C18orf32: variants seen among roughly 807,000 people sequenced by gnomAD.
The protein encoded by C18orf32 is chromosome 18 open reading frame 32, also known as UPF0729 protein C18orf32.
C18orf32 carries 5 observed loss-of-function variants against 7.4 expected under a neutral mutation model. That is an observed-to-expected ratio of 0.68 (90% CI 0.35 to 1.42). The LOEUF (loss-of-function observed/expected upper bound fraction) is 1.42, where lower values mean the gene tolerates loss of function less well. C18orf32 is among the 40% of genes most tolerant of loss of function. The pLI is 0.04. For synonymous variants in C18orf32, 30 were observed against 29.3 expected, an observed-to-expected ratio of 1.02 and a Z score of -0.08; for missense variants, 88 against 92.4, an observed-to-expected ratio of 0.95 and a Z score of 0.19.
chr18:49,486,555 T>C (rs183820276), intron 1 of C18orf32: 2 of 151,936 alleles, frequency 1.3e-5, no homozygotes, highest in Admixed American at 1.3e-4. Context: ...ATATGGAAAC[T>C]GGGTCAGAAA....
In C18orf32 at chr18:49,483,600, C is replaced by A. The variant is rs1007634820; in HGVS notation, c.149G>T (p.Gly50Val). 1 of 1,605,328 alleles carries A rather than the reference C, an allele frequency of 6.2e-7. No homozygotes were observed. The highest frequency in any genetic ancestry group is 1.8e-5 in the Admixed American group (1 of 57,032). The change falls in exon 2 of 3, where the codon GGC becomes GTC. Residue 50 changes from glycine to valine, a missense_variant. Coordinates refer to ENST00000318240, the MANE Select transcript of C18orf32 (RefSeq NM_001035005.4). Reference protein sequence around the residue: ...AIQESNDTNKGKVNFKGADMN... With the variant: ...AIQESNDTNKVKVNFKGADMN... ...TGTTCTTACCTTAAAGTTTACTTTG[C>A]CTTTGTTTGTATCATTGGATTCTTG...
At chr18:49,485,972 G>A (rs922869664) in intron 1 of C18orf32, 1 of 151,442 alleles carries the variant, frequency 6.6e-6, no homozygotes, top group African/African-American at 2.4e-5. Flanking sequence ...CCAGGTATTT[G>A]GGGAGCTGAG....
At chr18:49,484,153 TATATATATATATATACACAC>T (rs1319229297) in intron 1 of C18orf32, among the ~76,000 whole-genome samples, 4 of 50,942 alleles carry the variant, frequency 7.9e-5, no homozygotes, top group East Asian at 6.1e-4. Flanking sequence ...AAAAAATATA[TATATATATATATATACACAC>T]ACACACACAC....
intron 2 of C18orf32, 130 bp downstream of exon 2, chr18:49,483,454 T>C: frequency 8.0e-7 from 1 of 1,244,002 alleles, no homozygotes; most frequent in Non-Finnish European, 1.1e-6. Context: ...TTTAAAACTT[T>C]AATTTAAGCC....
At chr18:49,485,081 C>CA (rs201540950) in intron 1 of C18orf32, among the ~76,000 whole-genome samples, 6,252 of 151,386 alleles carry the variant, frequency 0.041, 194 homozygotes, top group South Asian at 0.099. Context: ...AACTCCGTCT[C>CA]AAAAAAAAGA....
Position 49,482,273 on chromosome 18 carries a change from A to T in C18orf32, c.*72T>A. The T allele has an allele frequency of 9.4e-7, 1 of 1,068,436 alleles. No homozygotes were observed. The highest frequency in any genetic ancestry group is 2.4e-5 in the East Asian group (1 of 42,254). 66.2% of individuals were successfully genotyped at this position (1,068,436 alleles called of 1,614,324 possible). A position where few individuals can be genotyped will look rare whatever the true frequency, so the allele number is the denominator to read the frequency against. On this transcript the variant is annotated 3_prime_UTR_variant, in exon 3 of 3. Coordinates refer to ENST00000318240, the MANE Select transcript of C18orf32 (RefSeq NM_001035005.4). The stretch of plus-strand genomic sequence containing the variant: ...CCGGTCTCAGATAAAAAGGTCAGAG[A>T]CAATTACAAGGAAGATGCTTCATAT...
chr18:49,483,161 G>C (rs529643218), intron 2 of C18orf32, among the ~76,000 whole-genome samples: 1 of 152,114 alleles, frequency 6.6e-6, no homozygotes, highest in Non-Finnish European at 1.5e-5. Flanking sequence ...TTCCAGAAAC[G>C]GGCCGGATGG....
chr18:49,484,058 G>A (rs902486061), intron 1 of C18orf32, among the ~76,000 whole-genome samples: 3 of 151,052 alleles, frequency 2.0e-5, no homozygotes, highest in African/African-American at 7.3e-5. Context: ...GAGCCCAGGA[G>A]GTTGAGGCTG....
At chr18:49,485,570 A>T (rs568347542) in intron 1 of C18orf32, among the ~76,000 whole-genome samples, 165 of 146,474 alleles carry the variant, frequency 1.1e-3, no homozygotes, top group African/African-American at 3.1e-3. Flanking sequence ...AAAAAAAAAT[A>T]AAAATAAAAT....
At position 49,481,168 on chromosome 18, in the gene C18orf32, T is replaced by C. The variant is rs2083656794; in HGVS notation, c.*1177A>G. 6.6e-6 allele frequency: 1 copy of C among 152,224 alleles called. No individual in the cohort carries two copies. Among genetic ancestry groups the C allele is most frequent in the Non-Finnish European group, 1.5e-5 (1 of 68,040 alleles). 9.4% of individuals were successfully genotyped at this position (152,224 alleles called of 1,614,324 possible). A position where few individuals can be genotyped will look rare whatever the true frequency, so the allele number is the denominator to read the frequency against. ...CTCAGGTGGCTTTGGACAGAAAAGCTGAGACCTGCTGATTTACATGATTTA... is the reference window on the plus strand; with the variant it reads ...CTCAGGTGGCTTTGGACAGAAAAGCCGAGACCTGCTGATTTACATGATTTA... On this transcript the variant is annotated 3_prime_UTR_variant, in exon 3 of 3. Transcript: ENST00000318240.
In C18orf32 at chr18:49,482,243, G is replaced by T; in HGVS notation, c.*102C>A. ...AGGTAAATATCTAGACTCCTATCCTGAATTCCGGTCTCAGATAAAAAGGTC... is the reference window on the plus strand; with the variant it reads ...AGGTAAATATCTAGACTCCTATCCTTAATTCCGGTCTCAGATAAAAAGGTC... On this transcript the variant is annotated 3_prime_UTR_variant, in exon 3 of 3. Coordinates refer to ENST00000318240, the MANE Select transcript of C18orf32 (RefSeq NM_001035005.4). 2.4e-6 allele frequency: 2 copies of T among 819,792 alleles called. No individual in the cohort carries two copies. The highest frequency in any genetic ancestry group is 2.1e-6 in the Non-Finnish European group (1 of 474,884). 50.8% of individuals were successfully genotyped at this position (819,792 alleles called of 1,614,324 possible).
chr18:49,483,251 T>TA (rs982273904), intron 2 of C18orf32, among the ~76,000 whole-genome samples: 97 of 152,022 alleles, frequency 6.4e-4, no homozygotes, highest in Middle Eastern at 6.8e-3. Context: ...CACTCATTTT[T>TA]AAAAAAATTG....
At chr18:49,484,561 C>G (rs2083713838) in intron 1 of C18orf32, 1 of 152,170 alleles carries the variant, frequency 6.6e-6, no homozygotes, top group African/African-American at 2.4e-5. Flanking sequence ...GCACTCCAGC[C>G]TAGGTGACAG....
intron 1 of C18orf32, among the ~76,000 whole-genome samples, chr18:49,485,659 T>C (rs951378016): frequency 2.0e-5 from 3 of 151,924 alleles, no homozygotes; most frequent in African/African-American, 7.3e-5. Context: ...CAGGCTAAAG[T>C]GCAGTGGCTC....
rs2083642714 is a variant in C18orf32, at chr18:49,479,384, T to C, written c.*2961A>G. 6.6e-6 allele frequency: 1 copy of C among 152,282 alleles called. No individual in the cohort carries two copies. The highest frequency in any genetic ancestry group is 1.5e-5 in the Non-Finnish European group (1 of 68,172). The allele number at this position is 152,282 out of a possible 1,614,324, so 9.4% of individuals were successfully genotyped here. A position where few individuals can be genotyped will look rare whatever the true frequency, so the allele number is the denominator to read the frequency against. Reference sequence around the variant, plus strand: ...GCAACAACTAGGCAGGAGAGGTGTATGGGGAGAAGGTAAACTGGTCACTCC... The same window carrying C: ...GCAACAACTAGGCAGGAGAGGTGTACGGGGAGAAGGTAAACTGGTCACTCC... On this transcript the variant is annotated 3_prime_UTR_variant, in exon 3 of 3. Transcript: ENST00000318240.
chr18:49,483,449 A>C, intron 2 of C18orf32, 135 bp downstream of exon 2: 1 of 1,190,212 alleles, frequency 8.4e-7, no homozygotes, highest in Non-Finnish European at 1.2e-6. Flanking sequence ...CCTACTTTAA[A>C]ACTTTAATTT....
chr18:49,482,194 A>G lies in C18orf32; in HGVS notation c.*151T>C. On this transcript the variant is annotated 3_prime_UTR_variant, in exon 3 of 3. Transcript: ENST00000318240. ...AACTAACTACATTTTAAATACGGAT[A>G]TCATATATTTCCTGATTAGTATCAG... is the stretch of plus-strand genomic sequence containing the variant. 1.5e-6 allele frequency: 1 copy of G among 657,476 alleles called. No homozygotes were observed. The highest frequency in any genetic ancestry group is 2.6e-5 in the East Asian group (1 of 37,806). 40.7% of individuals were successfully genotyped at this position (657,476 alleles called of 1,614,324 possible). A position where few individuals can be genotyped will look rare whatever the true frequency, so the allele number is the denominator to read the frequency against.
rs919878841 is a variant in C18orf32 at position 49,481,806 on chromosome 18, G to C, written c.*539C>G. 6.6e-6 allele frequency: 1 copy of C among 152,110 alleles called. No homozygotes were observed. The highest frequency in any genetic ancestry group is 2.4e-5 in the African/African-American group (1 of 41,352). 9.4% of individuals were successfully genotyped at this position (152,110 alleles called of 1,614,324 possible). ...CCCTATCTTTTTTTAATCTTCCTTA[G>C]AGCAATAAATAGTAATTACTATATT... is the stretch of plus-strand genomic sequence containing the variant. On this transcript the variant is annotated 3_prime_UTR_variant, in exon 3 of 3. Coordinates refer to ENST00000318240, the MANE Select transcript of C18orf32 (RefSeq NM_001035005.4).
chr18:49,482,309 AT>A lies in C18orf32; in HGVS notation c.*35del. On this transcript the variant is annotated 3_prime_UTR_variant, in exon 3 of 3. Transcript: ENST00000318240. The stretch of plus-strand genomic sequence containing the variant: ...GAAGATGCTTCATATTATCAGGTCC[AT>A]TTTTTAAATGATGGGGTCCTTTAGG... 2 of 1,476,184 alleles carry A rather than the reference AT, an allele frequency of 1.4e-6. No homozygotes were observed. The highest frequency in any genetic ancestry group is 1.9e-6 in the Non-Finnish European group (2 of 1,055,954). The allele number at this position is 1,476,184 out of a possible 1,614,324, so 91.4% of individuals were successfully genotyped here.
Sources: allele counts gnomAD v4.1 joint callset (sites outside exome capture counted in the v4.1 genomes callset), GRCh38; gene constraint gnomAD v4.1.1; transcripts MANE v1.5; gene names NCBI Gene and HGNC (gene_info 2026-07-23, HGNC 2026-07-21).